Variants in ABCB4 observed in about 807,000 individuals in gnomAD.
ABCB4 encodes the protein phosphatidylcholine translocator ABCB4.
Under a neutral mutation model 145.7 loss-of-function variants are expected in ABCB4, and 76 were observed. The observed-to-expected ratio is 0.52, with a 90% CI of 0.43 to 0.63. ABCB4 has a LOEUF of 0.63. ABCB4 is among the 30% of genes least tolerant of loss of function. The pLI is 0.00. For synonymous variants in ABCB4, 517 were observed against 566.8 expected (o/e 0.91, Z 1.25); for missense variants, 1,234 against 1,553.1 (o/e 0.79, Z 3.45).
intron 3 of ABCB4, 23 bp downstream of exon 3, chr7:87,472,597 CA>C (rs764505414): frequency 4.5e-6 from 7 of 1,572,772 alleles, no homozygotes; most frequent in Non-Finnish European, 6.1e-6. Flanking sequence ...TAGGATTATT[CA>C]CATTTAACAT....
rs149040345 is a variant in ABCB4 at position 87,463,542 on chromosome 7, G to A, written c.136-634C>T. 3.0e-3 allele frequency among the ~76,000 whole-genome samples: 460 copies of A among 152,302 alleles called. 4 individuals carry two copies. Among genetic ancestry groups the A allele is most frequent in the Admixed American group, 2.8e-3 (43 of 15,298 alleles). ...CCTGCCAAGTATGCAGAACCTTGAAGGGTAAGAGGGAGTTCGCTGGAGAAG... is the reference window on the plus strand; with the variant it reads ...CCTGCCAAGTATGCAGAACCTTGAAAGGTAAGAGGGAGTTCGCTGGAGAAG... On this transcript the variant is annotated intron_variant, in intron 3 of 27. Transcript: ENST00000649586.
chr7:87,386,048 G>A, the ABCB4 span, among the ~76,000 whole-genome samples: 1 of 152,156 alleles, frequency 6.6e-6, no homozygotes, highest in Non-Finnish European at 1.5e-5. Flanking sequence ...TTTTTAATGT[G>A]CTGTTGAGTT....
intron 12 of ABCB4, among the ~76,000 whole-genome samples, chr7:87,442,352 C>T (rs1811046650): frequency 1.3e-5 from 2 of 151,710 alleles, no homozygotes; most frequent in African/African-American, 4.8e-5. Context: ...CTGTTCTGTC[C>T]CAATGCCTTT....
the ABCB4 span, among the ~76,000 whole-genome samples, chr7:87,372,280 T>C: frequency 1.3e-5 from 2 of 152,246 alleles, no homozygotes; most frequent in Admixed American, 6.5e-5. Context: ...TTTCTTCCAG[T>C]TAACTTGAAA....
chr7:87,382,589 G>T, the ABCB4 span: 17 of 1,552,770 alleles, frequency 1.1e-5, no homozygotes, highest in African/African-American at 4.2e-5. Flanking sequence ...AAGTCCAAGG[G>T]TATATCTTTT....
chr7:87,393,049 A>G, the ABCB4 span: 11 of 1,613,378 alleles, frequency 6.8e-6, no homozygotes, highest in East Asian at 2.0e-4. Context: ...GGATTTTTCT[A>G]CCATATCAGA....
chr7:87,416,182 C>T (rs564296168), intron 21 of ABCB4, among the ~76,000 whole-genome samples: 32 of 152,302 alleles, frequency 2.1e-4, no homozygotes, highest in East Asian at 1.9e-4. Context: ...TTATACCTAA[C>T]GCTGCATGCA....
chr7:87,422,089 C>T (rs1809478739), intron 18 of ABCB4, 32 bp downstream of exon 18: 4 of 1,442,274 alleles, frequency 2.8e-6, no homozygotes, highest in Non-Finnish European at 2.9e-6. Context: ...AAATTATAAA[C>T]TTGATGAGAA....
chr7:87,411,767 G>T, intron 23 of ABCB4, 126 bp downstream of exon 23: 1 of 827,610 alleles, frequency 1.2e-6, no homozygotes, highest in Non-Finnish European at 1.9e-6. Flanking sequence ...GATGGAAACT[G>T]TGGTAAATTT....
At chr7:87,452,886 A>T in intron 6 of ABCB4, 58 bp downstream of exon 6, 1 of 1,561,968 alleles carries the variant, frequency 6.4e-7, no homozygotes, top group Non-Finnish European at 8.8e-7. Flanking sequence ...TTTCCTTGAC[A>T]TATTTTCACA....
intron 3 of ABCB4, among the ~76,000 whole-genome samples, chr7:87,470,721 G>C (rs992784172): frequency 8.2e-4 from 125 of 152,244 alleles, no homozygotes; most frequent in African/African-American, 2.7e-3. Flanking sequence ...GGAAACAACA[G>C]GTGCTGGAGA....
chr7:87,425,935 T>A (rs571641867), intron 16 of ABCB4, among the ~76,000 whole-genome samples: 1 of 152,128 alleles, frequency 6.6e-6, no homozygotes, highest in Admixed American at 6.5e-5. Flanking sequence ...GAGTTAATAA[T>A]CTCCTAAATC....
At position 87,401,999 on chromosome 7, in the gene ABCB4, C is replaced by A; in HGVS notation, c.*97G>T. The A allele has an allele frequency of 6.7e-7, 1 of 1,486,230 alleles. No individual in the cohort carries two copies. Among genetic ancestry groups the A allele is most frequent in the East Asian group, 2.4e-5 (1 of 41,018 alleles). 92.1% of individuals were successfully genotyped at this position (1,486,230 alleles called of 1,614,324 possible). A position where few individuals can be genotyped will look rare whatever the true frequency, so the allele number is the denominator to read the frequency against. The stretch of plus-strand genomic sequence containing the variant: ...TTGATCTAGAATGAGACAGACATAC[C>A]TATGTTTTATGATGACAAACCAGAA... On this transcript the variant is annotated 3_prime_UTR_variant, in exon 28 of 28. Transcript: ENST00000649586.
chr7:87,437,787 A>G (rs1310075373), intron 14 of ABCB4, among the ~76,000 whole-genome samples: 1 of 152,216 alleles, frequency 6.6e-6, no homozygotes, highest in East Asian at 1.9e-4. Flanking sequence ...CTAGCATCAA[A>G]GCCTGTGCTC....
At chr7:87,448,216 C>CA (rs1366654592) in intron 8 of ABCB4, among the ~76,000 whole-genome samples, 1 of 151,486 alleles carries the variant, frequency 6.6e-6, no homozygotes, top group Non-Finnish European at 1.5e-5. Context: ...AAGAAAAATC[C>CA]AATGGGTATG....
intron 17 of ABCB4, among the ~76,000 whole-genome samples, chr7:87,423,196 A>T (rs941629181): frequency 6.6e-6 from 1 of 152,242 alleles, no homozygotes; most frequent in African/African-American, 2.4e-5. Context: ...CTGAAATTGT[A>T]GAATATGAAT....
rs1210919103 is a variant in ABCB4 at position 87,454,529 on chromosome 7, A to G, written c.344+6T>C. On this transcript the variant is annotated splice_donor_region_variant and intron_variant, in intron 5 of 27. Coordinates refer to ENST00000649586, the MANE Select transcript of ABCB4 (RefSeq NM_000443.4). The stretch of plus-strand genomic sequence containing the variant: ...TTTAAAAAAGTAGACCATATATATG[A>G]GTTACCTAGTCATTTCTTCTTCCAG... 1.9e-6 allele frequency: 3 copies of G among 1,600,944 alleles called. No individual in the cohort carries two copies. The highest frequency in any genetic ancestry group is 4.5e-5 in the East Asian group (2 of 44,700).
chr7:87,471,248 G>A (rs1174075977), intron 3 of ABCB4, among the ~76,000 whole-genome samples: 1 of 151,998 alleles, frequency 6.6e-6, no homozygotes, highest in Non-Finnish European at 1.5e-5. Context: ...ATAGCATTAG[G>A]AGATATACCT....
chr7:87,370,681 T>A, the ABCB4 span, among the ~76,000 whole-genome samples: 1 of 152,170 alleles, frequency 6.6e-6, no homozygotes, highest in Non-Finnish European at 1.5e-5. Context: ...TTTCTAATAC[T>A]CCAAAGATTC....
Sources: allele counts gnomAD v4.1 joint callset (sites outside exome capture counted in the v4.1 genomes callset), GRCh38; gene constraint gnomAD v4.1.1; transcripts MANE v1.5; gene names NCBI Gene and HGNC (gene_info 2026-07-23, HGNC 2026-07-21).